NRG1: variants seen among roughly 807,000 people sequenced by gnomAD.
NRG1 encodes pro-neuregulin-1, membrane-bound isoform.
In NRG1, 18 loss-of-function variants were observed where a neutral mutation model predicts 63.8. The ratio of observed to expected loss-of-function variants is 0.28; its 90% CI spans 0.19 to 0.42. The LOEUF (loss-of-function observed/expected upper bound fraction) is 0.42, where lower values mean the gene tolerates loss of function less well. Among genes scored for constraint, NRG1 ranks in the 10% least tolerant of loss-of-function variants. The probability of loss-of-function intolerance (pLI) is 1.00; values close to 1 mark genes in which losing one functional copy is unlikely to be tolerated. For synonymous variants in NRG1, 302 were observed against 301.3 expected (o/e 1.00, Z -0.02); for missense variants, 762 against 814.7 (o/e 0.94, Z 0.79).
At chr8:32,123,832 T>C (rs1029597887) in intron 1 of NRG1, among the ~76,000 whole-genome samples, 1 of 151,804 alleles carries the variant, frequency 6.6e-6, no homozygotes, top group East Asian at 1.9e-4. Context: ...AATTCTGGAT[T>C]CTTATAGTTA....
At chr8:32,701,707 G>C (rs372537096) in intron 5 of NRG1, among the ~76,000 whole-genome samples, 3 of 152,136 alleles carry the variant, frequency 2.0e-5, no homozygotes, top group East Asian at 3.9e-4. Context: ...GAAAATTATA[G>C]ATTATAGATC....
At chr8:32,047,379 C>T (rs1388590790) in intron 1 of NRG1, among the ~76,000 whole-genome samples, 4 of 151,968 alleles carry the variant, frequency 2.6e-5, no homozygotes, top group Non-Finnish European at 5.9e-5. Flanking sequence ...AAGATAAAGG[C>T]AGCTGGGAAT....
intron 1 of NRG1, among the ~76,000 whole-genome samples, chr8:31,755,275 G>C (rs1816857823): frequency 6.6e-6 from 1 of 152,022 alleles, no homozygotes; most frequent in Non-Finnish European, 1.5e-5. Context: ...CTATACCTGA[G>C]ACCCCAGTCT....
intron 1 of NRG1, among the ~76,000 whole-genome samples, chr8:31,645,844 G>A (rs542852087): frequency 1.8e-4 from 27 of 152,254 alleles, no homozygotes; most frequent in South Asian, 2.1e-4. Context: ...TGGATGGACC[G>A]TAAGAGACTG....
intron 1 of NRG1, among the ~76,000 whole-genome samples, chr8:31,878,544 A>G (rs935558487): frequency 2.6e-5 from 4 of 152,222 alleles, no homozygotes; most frequent in African/African-American, 9.6e-5. Flanking sequence ...ATTGTTATAT[A>G]GTAATATCGC....
chr8:31,727,467 A>T (rs1195316006), intron 1 of NRG1, among the ~76,000 whole-genome samples: 3 of 152,174 alleles, frequency 2.0e-5, no homozygotes, highest in Non-Finnish European at 4.4e-5. Flanking sequence ...TTCTATGATT[A>T]AATGGTTTGA....
chr8:31,922,702 C>A (rs1834016756), intron 1 of NRG1, among the ~76,000 whole-genome samples: 1 of 152,114 alleles, frequency 6.6e-6, no homozygotes, highest in South Asian at 2.1e-4. Context: ...AAGCCAAGTT[C>A]TAGTCCAAAT....
At chr8:32,364,525 T>G (rs941678503) in intron 1 of NRG1, among the ~76,000 whole-genome samples, 2 of 152,210 alleles carry the variant, frequency 1.3e-5, no homozygotes, top group Non-Finnish European at 2.9e-5. Context: ...TTTTAATAGC[T>G]GCATAGTATT....
chr8:31,909,418 A>G (rs1367474081), intron 1 of NRG1, among the ~76,000 whole-genome samples: 3 of 152,078 alleles, frequency 2.0e-5, no homozygotes, highest in Non-Finnish European at 1.5e-5. Context: ...TAATCTTCAG[A>G]GTTCTTCCAT....
At chr8:31,821,992 C>T (rs1416012590) in intron 1 of NRG1, among the ~76,000 whole-genome samples, 4 of 152,156 alleles carry the variant, frequency 2.6e-5, no homozygotes, top group Admixed American at 2.6e-4. Context: ...CACAATATAT[C>T]TTTGTCTGTG....
At chr8:32,119,378 A>T (rs1041230287) in intron 1 of NRG1, among the ~76,000 whole-genome samples, 2 of 152,142 alleles carry the variant, frequency 1.3e-5, no homozygotes, top group African/African-American at 4.8e-5. Context: ...TAGCTGATAC[A>T]CACAGTTGCA....
intron 1 of NRG1, among the ~76,000 whole-genome samples, chr8:32,038,373 C>A (rs939960732): frequency 6.6e-6 from 1 of 151,956 alleles, no homozygotes; most frequent in African/African-American, 2.4e-5. Flanking sequence ...AATTTACTTG[C>A]TCTTTTTGTT....
intron 1 of NRG1, among the ~76,000 whole-genome samples, chr8:32,262,528 G>T (rs935128116): frequency 1.3e-5 from 2 of 152,034 alleles, no homozygotes; most frequent in Non-Finnish European, 1.5e-5. Context: ...CTTCTATGTG[G>T]TATATTTCCC....
intron 1 of NRG1, among the ~76,000 whole-genome samples, chr8:32,043,652 A>G (rs1398509985): frequency 6.6e-6 from 1 of 151,996 alleles, no homozygotes; most frequent in Non-Finnish European, 1.5e-5. Context: ...AATATCTACT[A>G]TAATATAAAA....
intron 3 of NRG1, among the ~76,000 whole-genome samples, chr8:32,607,684 T>G (rs1379333334): frequency 6.6e-6 from 1 of 152,194 alleles, no homozygotes; most frequent in Non-Finnish European, 1.5e-5. Context: ...TTCACTGAAG[T>G]CTTGGTCTAG....
chr8:32,428,236 T>C (rs1817650005), intron 1 of NRG1, among the ~76,000 whole-genome samples: 1 of 152,220 alleles, frequency 6.6e-6, no homozygotes, highest in Admixed American at 6.5e-5. Context: ...TTCAGCATCT[T>C]TGGGAAATAT....
At chr8:31,983,573 G>A (rs185926698) in intron 1 of NRG1, among the ~76,000 whole-genome samples, 2 of 152,050 alleles carry the variant, frequency 1.3e-5, no homozygotes, top group East Asian at 3.9e-4. Flanking sequence ...GCAGAAATGG[G>A]ATCTTGCTAT....
intron 5 of NRG1, among the ~76,000 whole-genome samples, chr8:32,715,603 A>G (rs1370868592): frequency 6.6e-6 from 1 of 151,646 alleles, no homozygotes; most frequent in Non-Finnish European, 1.5e-5. Context: ...TTCAGAAGTA[A>G]GGATTTCTTA....
intron 1 of NRG1, among the ~76,000 whole-genome samples, chr8:31,673,902 A>G (rs956934504): frequency 1.3e-5 from 2 of 151,830 alleles, no homozygotes; most frequent in Non-Finnish European, 2.9e-5. Context: ...CAACACCATA[A>G]TCTAATTTTA....
Sources: allele counts gnomAD v4.1 joint callset (sites outside exome capture counted in the v4.1 genomes callset), GRCh38; gene constraint gnomAD v4.1.1; transcripts MANE v1.5; gene names NCBI Gene and HGNC (gene_info 2026-07-23, HGNC 2026-07-21).